The following DNAH2 variants were observed in gnomAD, a reference collection of about 807,000 sequenced individuals.
DNAH2 encodes dynein axonemal heavy chain 2, also known as axonemal beta dynein heavy chain 2.
A neutral mutation model predicts 523.5 loss-of-function variants in DNAH2; 323 were observed. The ratio of observed to expected loss-of-function variants is 0.62; its 90% confidence interval spans 0.56 to 0.68. The LOEUF is 0.68. Ranked by LOEUF, DNAH2 falls within the 30% of genes least tolerant of loss-of-function variation. DNAH2 has a pLI of 0.00. For synonymous variants in DNAH2, 2,093 were observed against 2,177.4 expected (o/e 0.96, Z 1.08); for missense variants, 4,907 against 5,701.5 (o/e 0.86, Z 4.49).
At chr17:7,800,175 C>T (rs772449727) in intron 56 of DNAH2, among the ~76,000 whole-genome samples, 21 of 152,144 alleles carry the variant, frequency 1.4e-4, no homozygotes, top group Non-Finnish European at 2.8e-4. Context: ...CCTTAGCCTC[C>T]CAGTAGCTAG....
At chr17:7,766,076 C>T (rs941770855) in intron 21 of DNAH2, among the ~76,000 whole-genome samples, 7 of 152,148 alleles carry the variant, frequency 4.6e-5, no homozygotes, top group African/African-American at 1.7e-4. Context: ...CGCGCCCGGC[C>T]CGCATTTCTA....
intron 12 of DNAH2, among the ~76,000 whole-genome samples, chr17:7,748,200 A>G (rs1355234740): frequency 6.6e-6 from 1 of 152,226 alleles, no homozygotes; most frequent in African/African-American, 2.4e-5. Context: ...TGCACTTAAC[A>G]CAAACATATT....
chr17:7,724,305 C>T (rs2074723582), intron 3 of DNAH2, among the ~76,000 whole-genome samples: 2 of 151,962 alleles, frequency 1.3e-5, no homozygotes, highest in South Asian at 4.2e-4. Flanking sequence ...GTGTTACTGC[C>T]CAAACACATT....
In DNAH2 at chr17:7,817,816, C is replaced by T. The variant is rs61744258; in HGVS notation, c.10196C>T (p.Ala3399Val). 19 of 1,613,964 alleles carry T rather than the reference C, an allele frequency of 1.2e-5. No homozygotes were observed. In the African/African-American group the frequency reaches 2.4e-4, roughly 20 times the overall value. ...NRWALMIDPQAQALKWIKNME... is the reference protein window; with the variant it reads ...NRWALMIDPQVQALKWIKNME... ...TGGGCACTGATGATCGACCCTCAGG[C>T]CCAGGCCCTGAAATGGATTAAGAAC... Residue 3399 changes from alanine (A) to valine (V), a missense_variant, in exon 67 of 86, where the codon GCC (alanine) becomes GTC (valine). Ala to Val is a moderately conservative substitution (Grantham distance 64). This residue lies in a region of DNAH2 where 1,851 missense variants were observed against 2,139.4 expected (regional missense o/e 0.87). Transcript: ENST00000572933.
intron 12 of DNAH2, among the ~76,000 whole-genome samples, chr17:7,746,079 A>G (rs1032468879): frequency 6.6e-6 from 1 of 152,220 alleles, no homozygotes; most frequent in Admixed American, 6.5e-5. Flanking sequence ...ATGAACAACC[A>G]AGAAGCATTC....
chr17:7,824,502 A>G, intron 76 of DNAH2, 35 bp from the exon 77 acceptor site: 1 of 1,491,128 alleles, frequency 6.7e-7, no homozygotes, highest in Non-Finnish European at 9.0e-7. Context: ...AGGGCTTAGG[A>G]AATGATTCCC....
intron 44 of DNAH2, 108 bp from the exon 45 acceptor site, chr17:7,791,809 A>G: frequency 9.4e-7 from 1 of 1,063,360 alleles, no homozygotes; most frequent in Non-Finnish European, 1.4e-6. Flanking sequence ...AAATAGAGCC[A>G]GGGAAGGAGG....
chr17:7,725,294 T>TG (rs1213201722), intron 3 of DNAH2, among the ~76,000 whole-genome samples: 1 of 148,358 alleles, frequency 6.7e-6, no homozygotes, highest in Non-Finnish European at 1.5e-5. Flanking sequence ...TTCATCATGT[T>TG]GGCCAGGCTG....
chr17:7,727,808 A>C (rs1452583465), intron 4 of DNAH2, among the ~76,000 whole-genome samples: 1 of 151,444 alleles, frequency 6.6e-6, no homozygotes, highest in African/African-American at 2.4e-5. Flanking sequence ...TGGGGAAGAC[A>C]GACATATAAG....
chr17:7,808,337 A>G (rs1180490040), intron 63 of DNAH2, among the ~76,000 whole-genome samples: 1 of 151,452 alleles, frequency 6.6e-6, no homozygotes, highest in Non-Finnish European at 1.5e-5. Flanking sequence ...CACCACTGCA[A>G]TGCAGCCTGG....
chr17:7,790,458 G>A (rs2076866798), intron 44 of DNAH2, among the ~76,000 whole-genome samples: 1 of 152,174 alleles, frequency 6.6e-6, no homozygotes, highest in African/African-American at 2.4e-5. Context: ...CTGGACTCAA[G>A]TGATCCTCCT....
intron 63 of DNAH2, among the ~76,000 whole-genome samples, chr17:7,808,654 G>C (rs2077432665): frequency 6.6e-6 from 1 of 152,310 alleles, no homozygotes; most frequent in African/African-American, 2.4e-5. Flanking sequence ...CTGTCACCCA[G>C]GCTGGAGTGC....
chr17:7,760,877 C>A lies in DNAH2; in HGVS notation c.2923C>A (p.His975Asn). ...IWEINKDSFIHRYQRLNPPVS... is the reference protein window; with the variant it reads ...IWEINKDSFINRYQRLNPPVS... Reference sequence around the variant, plus strand: ...GGAGATCAACAAGGACTCCTTCATTCATCGCTACCAGCGCCTCAACCCTCC... The same window carrying A: ...GGAGATCAACAAGGACTCCTTCATTAATCGCTACCAGCGCCTCAACCCTCC... The change falls in exon 18 of 86, where the codon CAT (histidine) becomes AAT (asparagine). Residue 975 changes from histidine (H) to asparagine (N), a missense_variant. His to Asn is a moderately conservative substitution (Grantham distance 68, BLOSUM62 1). Transcript: ENST00000572933. This position sits in a 1 kb window ranked among gnomAD's most constrained non-coding sequence, Gnocchi z 4.0. The A allele has an allele frequency of 6.2e-7, 1 of 1,614,208 alleles. No homozygotes were observed. The highest frequency in any genetic ancestry group is 1.1e-5 in the South Asian group (1 of 91,086).
chr17:7,726,032 G>A (rs1241946167), intron 3 of DNAH2, among the ~76,000 whole-genome samples: 1 of 152,084 alleles, frequency 6.6e-6, no homozygotes, highest in East Asian at 1.9e-4. Flanking sequence ...TTGAGACGGA[G>A]TCTTGCTCTG....
intron 48 of DNAH2, among the ~76,000 whole-genome samples, 195 bp from the exon 49 acceptor site, chr17:7,794,059 C>G (rs2076995465): frequency 6.6e-6 from 1 of 152,084 alleles, no homozygotes; most frequent in African/African-American, 2.4e-5. Context: ...ATAAGTTTCC[C>G]ATGTCCCTTC....
rs771140126 is a variant in DNAH2, at chr17:7,792,796, G to A, written c.7285G>A (p.Val2429Ile). ...TGGGAAGACCTCCATCGCCCAGAGC[G>A]TTCTGCAGTCCCTGCCCTCCAGCCA... The part of the protein sequence containing the change: ...GTGKTSIAQS[V>I]LQSLPSSQWS... Residue 2429 changes from valine to isoleucine, a missense_variant, in exon 47 of 86, where the codon GTT becomes ATT. By Grantham distance (29) the Val-to-Ile change is conservative. Around this residue, in one of 3 missense-constraint regions of DNAH2, gnomAD observed 2,806 missense variants for 3,190.8 expected, o/e 0.88. Transcript: ENST00000572933. The A allele has an allele frequency of 5.6e-6, 9 of 1,614,080 alleles. No homozygotes were observed. Among genetic ancestry groups the A allele is most frequent in the South Asian group, 2.2e-5 (2 of 91,092 alleles).
At chr17:7,775,090 T>G in intron 29 of DNAH2, 114 bp downstream of exon 29, 1 of 1,249,436 alleles carries the variant, frequency 8.0e-7, no homozygotes, top group Non-Finnish European at 1.1e-6. Flanking sequence ...TAATTAATGA[T>G]TCTCAATTCT....
Position 7,807,477 on chromosome 17 carries a change from G to T in DNAH2, c.9620G>T (p.Gly3207Val), listed in dbSNP as rs780332499. The change falls in exon 63 of 86, where the codon GGG becomes GTG. Residue 3207 changes from glycine (G) to valine (V), a missense_variant. Transcript: ENST00000572933. The surrounding 1 kb of genome is among the most constrained non-coding windows in gnomAD (Gnocchi z 5.6). ...CMWVRAMELY[G>V]RLYRVVEPKR... The stretch of plus-strand genomic sequence containing the variant: ...CTGACTGTCTCCCCACAGCTGTATG[G>T]GCGGCTATATCGGGTGGTGGAGCCC... 6.2e-7 allele frequency: 1 copy of T among 1,613,508 alleles called. No individual in the cohort carries two copies. Among genetic ancestry groups the T allele is most frequent in the Non-Finnish European group, 8.5e-7 (1 of 1,180,026 alleles).
Position 7,823,596 on chromosome 17 carries a change from C to T in DNAH2, c.11297C>T (p.Thr3766Ile), listed in dbSNP as rs371793818. 3.4e-5 allele frequency: 55 copies of T among 1,613,998 alleles called. No individual in the cohort carries two copies. The highest frequency in any genetic ancestry group is 5.3e-5 in the African/African-American group (4 of 74,914). The change falls in exon 74 of 86, where the codon ACC becomes ATC. Residue 3766 changes from threonine to isoleucine, a missense_variant. This residue lies in a region of DNAH2 where 1,851 missense variants were observed against 2,139.4 expected (regional missense o/e 0.87). Transcript: ENST00000572933. ...QYPRDWHLWY[T>I]NAAPEKAMLP... ...CCTCGTGACTGGCACCTGTGGTATACCAATGCTGCCCCGGAGAAGGCGATG... is the reference window on the plus strand; with the variant it reads ...CCTCGTGACTGGCACCTGTGGTATATCAATGCTGCCCCGGAGAAGGCGATG...
Sources: gnomAD v4.1 joint callset for allele counts (sites outside exome capture counted in the v4.1 genomes callset) on GRCh38, gnomAD v4.1.1 for gene constraint, gnomAD v4.1.1 regional missense constraint, Gnocchi (gnomAD v3.1) non-coding constraint, MANE v1.5 for transcripts, NCBI Gene and HGNC (gene_info 2026-07-23, HGNC 2026-07-21) for gene names.